Variants in COX15 observed in about 807,000 individuals in gnomAD.
COX15 encodes the protein cytochrome c oxidase assembly factor COX15.
In COX15, 51 loss-of-function variants were observed where a neutral mutation model predicts 51.9. The ratio of observed to expected loss-of-function variants is 0.98; its 90% CI spans 0.78 to 1.24. The LOEUF is 1.24. Ranked by LOEUF, COX15 falls within the 50% of genes most tolerant of loss-of-function variation. The pLI is 0.00. For synonymous variants in COX15, 188 were observed against 190.5 expected (o/e 0.99, Z 0.11); for missense variants, 420 against 501.1 (o/e 0.84, Z 1.55).
chr10:99,702,433 A>T, the COX15 span: 2 of 1,253,846 alleles, frequency 1.6e-6, no homozygotes, highest in East Asian at 5.3e-5. Context: ...ACTTGTGGGA[A>T]TACGGAGTGG....
At chr10:99,698,438 T>C in the COX15 span, 1 of 1,191,942 alleles carries the variant, frequency 8.4e-7, no homozygotes, top group Non-Finnish European at 1.2e-6. Flanking sequence ...TGAAAACCAG[T>C]AGTAAGATAT....
the COX15 span, among the ~76,000 whole-genome samples, chr10:99,704,075 T>C: frequency 6.6e-6 from 1 of 152,234 alleles, no homozygotes; most frequent in Admixed American, 6.5e-5. Flanking sequence ...CTGATTTCTT[T>C]ATTGGATTCA....
the COX15 span, among the ~76,000 whole-genome samples, chr10:99,703,248 C>CT: frequency 0.89 from 135,613 of 152,212 alleles, 60,532 homozygotes; most frequent in African/African-American, 0.94. Flanking sequence ...TTTTTAGGTA[C>CT]CTGTACCCTG....
the COX15 span, chr10:99,704,588 C>A: frequency 4.3e-6 from 7 of 1,614,148 alleles, no homozygotes; most frequent in Non-Finnish European, 5.9e-6. Context: ...GCGGCTACGC[C>A]GAATTCACCA....
chr10:99,726,735 A>C (rs2036962065), intron 4 of COX15, among the ~76,000 whole-genome samples: 1 of 151,980 alleles, frequency 6.6e-6, no homozygotes, highest in Admixed American at 6.6e-5. Context: ...AAAATACAAA[A>C]AATTAGCCAG....
chr10:99,708,284 C>G (rs1231484715), downstream of COX15, among the ~76,000 whole-genome samples: 3 of 152,044 alleles, frequency 2.0e-5, no homozygotes, highest in East Asian at 5.8e-4. Context: ...ATTATCACAT[C>G]CATATTTATA....
chr10:99,731,995 G>A lies in COX15; in HGVS notation c.55C>T (p.Pro19Ser), dbSNP rs145528678. The change falls in exon 1 of 9, where the codon CCG (proline) becomes TCG (serine). Residue 19 changes from proline (P) to serine (S), a missense_variant. Physicochemically the swap from Pro to Ser is moderately conservative, Grantham distance 74. Transcript: ENST00000016171. ...LRALKGRQYL[P>S]LLAPRAAPRA... is the part of the protein sequence containing the mutation. ...GGCGCTGCCCTAGGAGCCAGGAGCG[G>A]CAGATACTGCCTCCCCTTCAAGGCC... 1.9e-5 allele frequency: 30 copies of A among 1,612,658 alleles called. No individual in the cohort carries two copies. The African/African-American group carries it at 3.5e-4, about 19-fold the overall frequency.
In COX15 at chr10:99,712,534, A is replaced by C; in HGVS notation, c.*2053T>G. ...CTTTGTAAATGAGGTCAAGGATGAA[A>C]TCCAGATGTTCTTCCTTTGTATTTG... On this transcript the variant is annotated 3_prime_UTR_variant, in exon 9 of 9. Coordinates refer to ENST00000016171, the MANE Select transcript of COX15 (RefSeq NM_078470.6). The C allele has an allele frequency of 1.0e-6, 1 of 985,274 alleles. No homozygotes were observed. The highest frequency in any genetic ancestry group is 1.2e-6 in the Non-Finnish European group (1 of 829,762). The allele number at this position is 985,274 out of a possible 1,614,324, so 61.0% of individuals were successfully genotyped here.
At chr10:99,695,839 C>T in the COX15 span, 1 of 929,016 alleles carries the variant, frequency 1.1e-6, no homozygotes, top group Admixed American at 3.1e-5. Flanking sequence ...TGAAAGAATG[C>T]TTAAGATGTT....
At chr10:99,723,848 T>C in intron 5 of COX15, 108 bp downstream of exon 5, 2 of 1,289,730 alleles carry the variant, frequency 1.6e-6, no homozygotes, top group Non-Finnish European at 2.2e-6. Flanking sequence ...TAGAAAATGT[T>C]GGCAAAATAT....
At chr10:99,731,839 T>C in intron 1 of COX15, 121 bp downstream of exon 1, 1 of 1,263,406 alleles carries the variant, frequency 7.9e-7, no homozygotes. Flanking sequence ...TCTGAACCTA[T>C]GCGTTGTGAG....
the COX15 span, among the ~76,000 whole-genome samples, chr10:99,703,025 A>G: frequency 0.84 from 127,912 of 152,184 alleles, 54,003 homozygotes; most frequent in Middle Eastern, 0.92. Context: ...GTTACCCTGG[A>G]AAACACATCT....
In COX15 at chr10:99,713,677, A is replaced by G; in HGVS notation, c.*910T>C. ...CCTTGTAATGTTAACAGCCTTATCA[A>G]AAGAGGAACTAGCTGGGCGTGGTGG... is the stretch of plus-strand genomic sequence containing the variant. On this transcript the variant is annotated 3_prime_UTR_variant, in exon 9 of 9. Transcript: ENST00000016171. The G allele has an allele frequency of 1.2e-6, 1 of 822,636 alleles. No individual in the cohort carries two copies. The highest frequency in any genetic ancestry group is 1.8e-6 in the Non-Finnish European group (1 of 546,028). The allele number at this position is 822,636 out of a possible 1,614,324, so 51.0% of individuals were successfully genotyped here.
At chr10:99,702,571 C>T in the COX15 span, 1 of 1,612,770 alleles carries the variant, frequency 6.2e-7, no homozygotes, top group Non-Finnish European at 8.5e-7. Context: ...TTCCACTTTC[C>T]CTATGACTAC....
chr10:99,697,984 T>C, the COX15 span: 1 of 157,438 alleles, frequency 6.4e-6, no homozygotes, highest in East Asian at 1.9e-4. Context: ...TTCTCCCCAC[T>C]CAGAGGCTCC....
chr10:99,721,339 T>C (rs2036765403), intron 5 of COX15, among the ~76,000 whole-genome samples: 4 of 152,256 alleles, frequency 2.6e-5, no homozygotes, highest in African/African-American at 9.6e-5. Flanking sequence ...AGCCTAGTGA[T>C]TGGCACATAG....
At position 99,715,138 on chromosome 10, in the gene COX15, T is replaced by C. The variant is rs2036525402; in HGVS notation, c.1102-420A>G. On this transcript the variant is annotated intron_variant, in intron 8 of 8. Coordinates refer to ENST00000016171, the MANE Select transcript of COX15 (RefSeq NM_078470.6). ...ACAGTATGGATATACCATAGTTTTT[T>C]TTGTTTTGTTTTGTTTTGAGACAGA... Among the ~76,000 whole-genome samples the C allele has an allele frequency of 2.6e-5, 4 of 152,140 alleles. No individual in the cohort carries two copies. In the South Asian group the frequency reaches 8.3e-4, roughly 31 times the overall value.
At chr10:99,704,410 TTAACAG>T in the COX15 span, 1 of 1,600,274 alleles carries the variant, frequency 6.2e-7, no homozygotes, top group Non-Finnish European at 8.6e-7. Context: ...CCTTTGAAAC[TTAACAG>T]TTTTTTCCAC....
At chr10:99,720,870 A>T (rs2036741006) in intron 6 of COX15, 117 bp downstream of exon 6, 1 of 820,132 alleles carries the variant, frequency 1.2e-6, no homozygotes, top group Non-Finnish European at 2.1e-6. Flanking sequence ...GGGGAATGAG[A>T]GAAACAGATG....
Sources: allele counts gnomAD v4.1 joint callset (sites outside exome capture counted in the v4.1 genomes callset), GRCh38; gene constraint gnomAD v4.1.1; transcripts MANE v1.5; gene names NCBI Gene and HGNC (gene_info 2026-07-23, HGNC 2026-07-21).